Variants in PDXDC1 observed in about 807,000 individuals in gnomAD.
The protein encoded by PDXDC1 is pyridoxal-dependent decarboxylase domain-containing protein 1.
A neutral mutation model predicts 100.1 loss-of-function variants in PDXDC1; 42 were observed. The ratio of observed to expected loss-of-function variants is 0.42; its 90% CI spans 0.33 to 0.54. The LOEUF (loss-of-function observed/expected upper bound fraction) is 0.54, where lower values mean the gene tolerates loss of function less well. Among genes scored for constraint, PDXDC1 ranks in the 20% least tolerant of loss-of-function variants. The probability of loss-of-function intolerance (pLI) is 0.10; values close to 1 mark genes in which losing one functional copy is unlikely to be tolerated. For missense variants in PDXDC1, 636 were observed against 979.2 expected (o/e 0.65, Z 4.68); for synonymous variants, 260 against 371.7 (o/e 0.70, Z 3.46).
intron 16 of PDXDC1, among the ~76,000 whole-genome samples, chr16:15,054,318 G>A (rs1325563276): frequency 6.6e-6 from 1 of 152,136 alleles, no homozygotes; most frequent in African/African-American, 2.4e-5. Context: ...TCTTAAATAG[G>A]CCAAAACCTT....
chr16:15,092,313 G>A (rs1297673389), intron 16 of PDXDC1, among the ~76,000 whole-genome samples: 1 of 152,126 alleles, frequency 6.6e-6, no homozygotes, highest in Non-Finnish European at 1.5e-5. Flanking sequence ...ATTATTACCT[G>A]TGAAATGGGC....
At chr16:15,134,021 G>A (rs1052147113) in intron 16 of PDXDC1, 108 of 1,491,006 alleles carry the variant, frequency 7.2e-5, no homozygotes, top group Admixed American at 2.7e-4. Flanking sequence ...CCGTGGATGT[G>A]GTGGTCTCAT....
chr16:14,990,182 G>C (rs1970428876), intron 1 of PDXDC1: 1 of 1,194,952 alleles, frequency 8.4e-7, no homozygotes. Flanking sequence ...GCGCGGGCAA[G>C]GGCGCGAGGG....
chr16:15,019,393 G>A (rs987952405), intron 12 of PDXDC1, among the ~76,000 whole-genome samples: 1 of 152,286 alleles, frequency 6.6e-6, no homozygotes, highest in African/African-American at 2.4e-5. Context: ...AAATTGCAGG[G>A]CTCTTGGGGA....
intron 16 of PDXDC1, among the ~76,000 whole-genome samples, chr16:15,093,283 C>G (rs1452527181): frequency 1.3e-5 from 2 of 152,200 alleles, no homozygotes; most frequent in Non-Finnish European, 2.9e-5. Flanking sequence ...GGATTACAGG[C>G]GTGAGCAACC....
At chr16:15,106,681 G>C (rs1353645923) in intron 16 of PDXDC1, among the ~76,000 whole-genome samples, 1 of 143,242 alleles carries the variant, frequency 7.0e-6, no homozygotes, top group African/African-American at 2.4e-5. Context: ...CTTGAACCTG[G>C]GAGGCGGAGG....
chr16:15,124,705 G>A (rs1420259315), intron 16 of PDXDC1, among the ~76,000 whole-genome samples: 2 of 151,932 alleles, frequency 1.3e-5, no homozygotes, highest in East Asian at 1.9e-4. Context: ...CCGGGAGGCA[G>A]AGTCTGCAGT....
At chr16:15,025,112 C>G (rs1256448463) in intron 13 of PDXDC1, 5 of 152,358 alleles carry the variant, frequency 3.3e-5, no homozygotes, top group Non-Finnish European at 7.3e-5. Context: ...TTTTTTGGTT[C>G]TTGGTTATAT....
At chr16:15,125,052 C>T (rs1340600382) in intron 16 of PDXDC1, among the ~76,000 whole-genome samples, 1 of 143,390 alleles carries the variant, frequency 7.0e-6, no homozygotes, top group East Asian at 2.1e-4. Flanking sequence ...GAGGCTGAGG[C>T]AGGACAATCC....
intron 16 of PDXDC1, among the ~76,000 whole-genome samples, chr16:15,078,809 TTTC>T (rs1364583061): frequency 7.8e-6 from 1 of 127,608 alleles, no homozygotes; most frequent in South Asian, 2.8e-4. Context: ...TTCGTATTTT[TTTC>T]TTTTTTTTTT....
At chr16:15,149,482 CTG>C in the PDXDC1 span, among the ~76,000 whole-genome samples, 1 of 152,246 alleles carries the variant, frequency 6.6e-6, no homozygotes, top group Non-Finnish European at 1.5e-5. Context: ...CCCAAGGAAG[CTG>C]TGTCTGTGGC....
chr16:15,061,749 G>T, intron 16 of PDXDC1: 1 of 1,607,002 alleles, frequency 6.2e-7, no homozygotes, highest in Non-Finnish European at 8.5e-7. Context: ...TGCCGTCAGA[G>T]GGGACTGGGT....
At position 15,036,319 on chromosome 16, in the gene PDXDC1, G is replaced by A. The variant is rs764965751; in HGVS notation, c.*44G>A. 6.5e-7 allele frequency: 1 copy of A among 1,527,084 alleles called. No homozygotes were observed. The allele number at this position is 1,527,084 out of a possible 1,614,324, so 94.6% of individuals were successfully genotyped here. On this transcript the variant is annotated 3_prime_UTR_variant, in exon 23 of 23. Transcript: ENST00000396410. ...AGACTGTACTGAGTATTGTTTCAGG[G>A]AAGATGAAGTTCTATTGGAAATGTG...
At position 15,032,668 on chromosome 16, in the gene PDXDC1, A is replaced by AAAAG. The variant is rs57542228; in HGVS notation, c.1572-192_1572-191insAAGA. ...GACCCTGCTTTAAAAAAAAAAAAAA[A>AAAAG]AGGCTTTCCTGTGACTTTCTCTTTA... On this transcript the variant is annotated intron_variant, in intron 17 of 22. Transcript: ENST00000396410. The AAAAG allele has an allele frequency of 2.0e-4, 75 of 380,198 alleles. 4 individuals carry two copies. The highest frequency in any genetic ancestry group is 1.7e-4 in the East Asian group (3 of 17,232). The allele number at this position is 380,198 out of a possible 1,614,324, so 23.6% of individuals were successfully genotyped here.
At chr16:14,987,348 A>C (rs1241379264) in intron 1 of PDXDC1, among the ~76,000 whole-genome samples, 1 of 152,298 alleles carries the variant, frequency 6.6e-6, no homozygotes, top group African/African-American at 2.4e-5. Context: ...GGTTAAGAGC[A>C]CTGGTCCTAG....
At chr16:15,130,200 A>G (rs2047974068) in intron 16 of PDXDC1, 1 of 1,549,428 alleles carries the variant, frequency 6.5e-7, no homozygotes, top group Non-Finnish European at 8.7e-7. Context: ...AGGGTCACTC[A>G]CAGGAAACAC....
intron 16 of PDXDC1, among the ~76,000 whole-genome samples, chr16:15,074,515 A>C (rs1005489932): frequency 2.0e-5 from 3 of 152,240 alleles, no homozygotes; most frequent in Admixed American, 6.5e-5. Flanking sequence ...AAAAGACAGA[A>C]GACAAATATA....
At chr16:15,062,296 G>A (rs1184806211) in intron 16 of PDXDC1, among the ~76,000 whole-genome samples, 1 of 152,160 alleles carries the variant, frequency 6.6e-6, no homozygotes, top group Non-Finnish European at 1.5e-5. Flanking sequence ...CAGGAAACAT[G>A]ACGAGTCATT....
At chr16:15,071,678 G>A (rs1043268208) in intron 16 of PDXDC1, among the ~76,000 whole-genome samples, 4 of 152,220 alleles carry the variant, frequency 2.6e-5, no homozygotes, top group African/African-American at 7.2e-5. Context: ...TGAGGCAGGA[G>A]AATCGCTTGA....
Sources: allele counts gnomAD v4.1 joint callset (sites outside exome capture counted in the v4.1 genomes callset), GRCh38; gene constraint gnomAD v4.1.1; transcripts MANE v1.5; gene names NCBI Gene and HGNC (gene_info 2026-07-23, HGNC 2026-07-21).